Variants in PUM1 observed in about 807,000 individuals in gnomAD.
PUM1 encodes pumilio RNA binding family member 1.
In PUM1, 13 loss-of-function variants were observed where a neutral mutation model predicts 131.8. The observed-to-expected ratio is 0.10, with a 90% confidence interval of 0.06 to 0.16. The LOEUF is 0.16. Ranked by LOEUF, PUM1 falls within the 10% of genes least tolerant of loss-of-function variation. PUM1 has a pLI of 1.00. For missense variants in PUM1, 961 were observed against 1,512.4 expected (o/e 0.64, Z 6.05); for synonymous variants, 509 against 556.5 (o/e 0.91, Z 1.20).
chr1:31,055,863 G>A (rs1381390211), intron 2 of PUM1, among the ~76,000 whole-genome samples: 1 of 152,046 alleles, frequency 6.6e-6, no homozygotes, highest in East Asian at 1.9e-4. Flanking sequence ...AACCTGCCAG[G>A]CACCTTGACT....
At chr1:31,007,153 G>C in intron 3 of PUM1, 51 bp from the exon 4 acceptor site, 1 of 1,374,570 alleles carries the variant, frequency 7.3e-7, no homozygotes, top group Non-Finnish European at 1.0e-6. Context: ...AAGGATGAAA[G>C]TACAGCAGTC....
At chr1:31,030,709 GAA>G (rs11307831) in intron 2 of PUM1, among the ~76,000 whole-genome samples, 21 of 146,390 alleles carry the variant, frequency 1.4e-4, no homozygotes, top group East Asian at 4.0e-4. Flanking sequence ...ACAGTGTCCG[GAA>G]AAAAAAAAAA....
At chr1:30,948,134 C>T (rs1443475893) in intron 17 of PUM1, among the ~76,000 whole-genome samples, 2 of 152,036 alleles carry the variant, frequency 1.3e-5, no homozygotes, top group Non-Finnish European at 2.9e-5. Context: ...AGGCATAAGC[C>T]ACTGTGCTGG....
At chr1:30,980,241 A>G (rs1293998528) in intron 8 of PUM1, 78 bp from the exon 9 acceptor site, 2 of 1,109,390 alleles carry the variant, frequency 1.8e-6, no homozygotes, top group South Asian at 2.6e-5. Flanking sequence ...CAGTTTCGCT[A>G]TTCACTCCAG....
rs547357408 is a variant in PUM1 at position 31,040,168 on chromosome 1, C to T, written c.364-11304G>A. ...CTCCTAGGCTCATGCGATCCTCCCA[C>T]ATTGGCTTCCCAAAGTGCTGGGATC... On this transcript the variant is annotated intron_variant, in intron 2 of 21. Transcript: ENST00000426105. 2.6e-5 allele frequency among the ~76,000 whole-genome samples: 4 copies of T among 152,302 alleles called. No homozygotes were observed. In the South Asian group the frequency reaches 6.2e-4, roughly 24 times the overall value.
intron 9 of PUM1, among the ~76,000 whole-genome samples, chr1:30,975,273 T>C (rs900223640): frequency 6.6e-6 from 1 of 152,124 alleles, no homozygotes; most frequent in Admixed American, 6.5e-5. Flanking sequence ...AAAAAGAACA[T>C]CTATCAGTCT....
chr1:31,038,984 A>ATATATATTTTTTTTTTTTTTT, intron 2 of PUM1, among the ~76,000 whole-genome samples: 12 of 49,412 alleles, frequency 2.4e-4, no homozygotes, highest in East Asian at 2.0e-3. Flanking sequence ...ATATATATAT[A>ATATATATTTTTTTTTTTTTTT]TTTTTTTTTT....
At chr1:31,026,643 A>T (rs1488993568) in intron 3 of PUM1, among the ~76,000 whole-genome samples, 1 of 152,248 alleles carries the variant, frequency 6.6e-6, no homozygotes, top group Admixed American at 6.5e-5. Flanking sequence ...CATGCCTTGC[A>T]GTGGGAGGAA....
At chr1:30,987,186 T>C (rs1028682174) in intron 7 of PUM1, among the ~76,000 whole-genome samples, 2 of 150,966 alleles carry the variant, frequency 1.3e-5, no homozygotes, top group Non-Finnish European at 1.5e-5. Flanking sequence ...TAATACAACC[T>C]AGTAACAAAT....
intron 10 of PUM1, among the ~76,000 whole-genome samples, chr1:30,971,752 G>A (rs2124450881): frequency 6.6e-6 from 1 of 152,250 alleles, no homozygotes; most frequent in East Asian, 1.9e-4. Context: ...ATCATAATAA[G>A]AGAAATAGAA....
chr1:30,955,669 A>G (rs1366487035), intron 14 of PUM1, among the ~76,000 whole-genome samples: 2 of 152,168 alleles, frequency 1.3e-5, no homozygotes, highest in Admixed American at 6.5e-5. Context: ...TTAAAAACCC[A>G]CGAGAAAAGT....
In PUM1 at chr1:31,026,817, A is replaced by C. The variant is rs1368286806; in HGVS notation, c.432+1979T>G. On this transcript the variant is annotated intron_variant, in intron 3 of 21. Transcript: ENST00000426105. Reference sequence around the variant, plus strand: ...CATCTACCTATGATTGATAAATGGTAGTTGTTACTGTTACTTGTGAATAGT... The same window carrying C: ...CATCTACCTATGATTGATAAATGGTCGTTGTTACTGTTACTTGTGAATAGT... Among the ~76,000 whole-genome samples, 4 of 152,176 alleles carry C rather than the reference A, an allele frequency of 2.6e-5. No individual in the cohort carries two copies. In the South Asian group the frequency reaches 8.3e-4, roughly 31 times the overall value.
chr1:30,967,303 C>T lies in PUM1; in HGVS notation c.1653G>A (p.Pro551=), dbSNP rs555595319. Residue 551 remains proline (P), a synonymous_variant, in exon 12 of 22, where the codon CCG becomes CCA. Transcript: ENST00000426105. The part of the protein sequence containing the change: ...QGLAAGMPGY[P]VLAPAAYYDQ... ...CATAGTAAGCAGCAGGAGCCAACAC[C>T]GGATAACCTAGGAATATCAAGCCAA... 13 of 1,613,172 alleles carry T rather than the reference C, an allele frequency of 8.1e-6. No homozygotes were observed. Among genetic ancestry groups the T allele is most frequent in the South Asian group, 1.1e-5 (1 of 91,036 alleles).
chr1:31,005,750 C>T, intron 5 of PUM1, 103 bp downstream of exon 5: 1 of 1,145,006 alleles, frequency 8.7e-7, no homozygotes, highest in Non-Finnish European at 1.2e-6. Context: ...CTGTGAACAT[C>T]TAAGGAAACT....
At chr1:30,952,431 C>T (rs1368502319) in intron 15 of PUM1, 68 bp from the exon 16 acceptor site, 5 of 1,606,564 alleles carry the variant, frequency 3.1e-6, no homozygotes, top group Admixed American at 1.7e-5. Flanking sequence ...CAGTGTACCT[C>T]GGTTTATAGA....
At chr1:31,054,390 T>C (rs1283697455) in intron 2 of PUM1, among the ~76,000 whole-genome samples, 4 of 151,880 alleles carry the variant, frequency 2.6e-5, no homozygotes, top group African/African-American at 9.7e-5. Flanking sequence ...ACGAGAGAAA[T>C]AAAGTACCTG....
intron 9 of PUM1, among the ~76,000 whole-genome samples, chr1:30,979,787 G>C (rs140137658): frequency 1.3e-5 from 2 of 152,044 alleles, no homozygotes; most frequent in African/African-American, 4.8e-5. Flanking sequence ...GGGCAAGGGG[G>C]GAAATTCCCA....
At chr1:31,012,028 CAATT>C (rs1218699022) in intron 3 of PUM1, among the ~76,000 whole-genome samples, 5 of 152,146 alleles carry the variant, frequency 3.3e-5, no homozygotes. Flanking sequence ...CTTATCAAAG[CAATT>C]AATGCATCTG....
chr1:30,961,214 TAAAG>T, intron 14 of PUM1, among the ~76,000 whole-genome samples: 1 of 150,102 alleles, frequency 6.7e-6, no homozygotes, highest in South Asian at 2.1e-4. Flanking sequence ...TAAAATAAAA[TAAAG>T]AAAAAAAGGA....
Sources: allele counts gnomAD v4.1 joint callset (sites outside exome capture counted in the v4.1 genomes callset), GRCh38; gene constraint gnomAD v4.1.1; transcripts MANE v1.5; gene names NCBI Gene and HGNC (gene_info 2026-07-23, HGNC 2026-07-21).